BBX: variants seen among roughly 807,000 people sequenced by gnomAD.
BBX encodes the protein HMG box transcription factor BBX.
BBX carries 30 observed loss-of-function variants against 100.2 expected under a neutral mutation model. The ratio of observed to expected loss-of-function variants is 0.30; its 90% CI spans 0.22 to 0.41. The LOEUF (loss-of-function observed/expected upper bound fraction) is 0.41. Among genes scored for constraint, BBX ranks in the 10% least tolerant of loss-of-function variants. The pLI, the probability that BBX is intolerant of heterozygous loss-of-function variation, is 1.00. For synonymous variants in BBX, 376 were observed against 388.1 expected (o/e 0.97, Z 0.37); for missense variants, 1,023 against 1,129.8 (o/e 0.91, Z 1.35).
chr3:107,706,596 A>G (rs756966874), intron 3 of BBX, among the ~76,000 whole-genome samples: 3 of 152,208 alleles, frequency 2.0e-5, no homozygotes, highest in African/African-American at 4.8e-5. Flanking sequence ...CCTGATTTCA[A>G]TTATTCTAAA....
At chr3:107,566,768 T>C (rs2050949178) in intron 2 of BBX, among the ~76,000 whole-genome samples, 1 of 152,070 alleles carries the variant, frequency 6.6e-6, no homozygotes, top group African/African-American at 2.4e-5. Flanking sequence ...TTTGTGTCTC[T>C]AGTTTTTGTT....
intron 2 of BBX, among the ~76,000 whole-genome samples, chr3:107,590,900 C>G (rs1235612323): frequency 6.6e-6 from 1 of 152,206 alleles, no homozygotes; most frequent in Non-Finnish European, 1.5e-5. Flanking sequence ...AGTTGGGGTT[C>G]CACTCAACAG....
chr3:107,731,932 C>T (rs535261929), intron 6 of BBX, among the ~76,000 whole-genome samples: 3 of 152,060 alleles, frequency 2.0e-5, no homozygotes, highest in Non-Finnish European at 2.9e-5. Flanking sequence ...GGAGAGATGC[C>T]GAGTTAGGCA....
rs867687221 is a variant in BBX at position 107,785,179 on chromosome 3, G to A, written c.2204-4608G>A. 5.0e-3 allele frequency among the ~76,000 whole-genome samples: 649 copies of A among 128,606 alleles called. 3 individuals carry two copies. The highest frequency in any genetic ancestry group is 0.013 in the African/African-American group (453 of 35,474). 84.4% of individuals were successfully genotyped at this position (128,606 alleles called of 152,430 possible). A position where few individuals can be genotyped will look rare whatever the true frequency, so the allele number is the denominator to read the frequency against. ...CTAGTAATTTTTAAAGTATCTGGGG[G>A]AAAAAAAAAAAAAAGCCCAGGCCCA... On this transcript the variant is annotated intron_variant, in intron 13 of 17. Transcript: ENST00000325805.
intron 8 of BBX, among the ~76,000 whole-genome samples, 183 bp from the exon 9 acceptor site, chr3:107,747,782 C>A (rs540719385): frequency 2.8e-4 from 42 of 151,870 alleles, no homozygotes; most frequent in African/African-American, 9.9e-4. Flanking sequence ...TTATAATCAT[C>A]TGTTTTTAGA....
chr3:107,659,213 C>G (rs1189455122), intron 3 of BBX, among the ~76,000 whole-genome samples: 1 of 151,936 alleles, frequency 6.6e-6, no homozygotes, highest in Non-Finnish European at 1.5e-5. Context: ...CACATACTCT[C>G]CACCTAGATT....
intron 3 of BBX, among the ~76,000 whole-genome samples, chr3:107,671,396 G>A (rs1433525222): frequency 6.6e-6 from 1 of 151,882 alleles, no homozygotes. Flanking sequence ...ACTATTAAGA[G>A]AACTTAACTG....
intron 2 of BBX, among the ~76,000 whole-genome samples, chr3:107,622,679 C>A (rs534855958): frequency 6.6e-6 from 1 of 152,186 alleles, no homozygotes; most frequent in East Asian, 1.9e-4. Flanking sequence ...GCTTGAGTGT[C>A]TTTTTTCTGT....
rs779113746 is a variant in BBX, at chr3:107,773,464, A to G, written c.1743A>G (p.Glu581=). The change falls in exon 11 of 18, where the codon GAA becomes GAG. Residue 581 remains glutamate, a synonymous_variant. Coordinates refer to ENST00000325805, the MANE Select transcript of BBX (RefSeq NM_001142568.3). The surrounding 1 kb of genome is among the most constrained non-coding windows in gnomAD (Gnocchi z 4.1). ...GIKAEPLTPM[E]DALPPSLSGQ... The stretch of plus-strand genomic sequence containing the variant: ...AAGCAGAACCATTGACCCCTATGGA[A>G]GATGCACTACCACCCAGCCTATCAG... 5 of 1,614,006 alleles carry G rather than the reference A, an allele frequency of 3.1e-6. No individual in the cohort carries two copies. The African/African-American group carries it at 6.7e-5, about 22-fold the overall frequency.
At chr3:107,746,808 C>A (rs1172451554) in intron 8 of BBX, among the ~76,000 whole-genome samples, 1 of 151,990 alleles carries the variant, frequency 6.6e-6, no homozygotes, top group African/African-American at 2.4e-5. Flanking sequence ...ACTACGTGGC[C>A]CTGTTGTTTT....
At chr3:107,542,605 A>G (rs531836392) in intron 2 of BBX, among the ~76,000 whole-genome samples, 36 of 152,238 alleles carry the variant, frequency 2.4e-4, no homozygotes, top group Admixed American at 5.2e-4. Flanking sequence ...GATGTAAACC[A>G]TGAATTTAGT....
intron 10 of BBX, among the ~76,000 whole-genome samples, chr3:107,770,419 T>C (rs1035624920): frequency 6.6e-6 from 1 of 152,054 alleles, no homozygotes; most frequent in Non-Finnish European, 1.5e-5. Context: ...GTATAATTTC[T>C]CTCCCCCCAC....
chr3:107,617,956 C>G (rs1329949333), intron 2 of BBX, among the ~76,000 whole-genome samples: 1 of 151,726 alleles, frequency 6.6e-6, no homozygotes, highest in Non-Finnish European at 1.5e-5. Context: ...CTTCTTGTTC[C>G]TGATTTTAGG....
chr3:107,788,393 C>T (rs1054407966), intron 13 of BBX, among the ~76,000 whole-genome samples: 2 of 152,036 alleles, frequency 1.3e-5, no homozygotes, highest in African/African-American at 4.8e-5. Context: ...GCAATAAGGA[C>T]CCACAATTGG....
At chr3:107,638,944 G>C (rs1156545389) in intron 2 of BBX, among the ~76,000 whole-genome samples, 1 of 151,938 alleles carries the variant, frequency 6.6e-6, no homozygotes, top group South Asian at 2.1e-4. Context: ...AGCCAAGATT[G>C]CACCACTGCA....
intron 3 of BBX, among the ~76,000 whole-genome samples, chr3:107,672,571 T>A (rs2059075358): frequency 6.6e-6 from 1 of 151,948 alleles, no homozygotes; most frequent in Non-Finnish European, 1.5e-5. Context: ...GAAGCTGAAG[T>A]AGGGAATGGT....
At chr3:107,585,835 C>T (rs973135891) in intron 2 of BBX, among the ~76,000 whole-genome samples, 4 of 151,822 alleles carry the variant, frequency 2.6e-5, no homozygotes, top group Admixed American at 6.6e-5. Flanking sequence ...ACACAGTAGG[C>T]GGATGTAAGA....
chr3:107,603,209 C>T (rs908034233), intron 2 of BBX, among the ~76,000 whole-genome samples: 2 of 152,060 alleles, frequency 1.3e-5, no homozygotes, highest in African/African-American at 4.8e-5. Flanking sequence ...TGTGATCCAC[C>T]TGCCTCGGCC....
intron 2 of BBX, among the ~76,000 whole-genome samples, chr3:107,621,694 A>G (rs1341084148): frequency 1.3e-5 from 2 of 151,986 alleles, no homozygotes; most frequent in Non-Finnish European, 2.9e-5. Flanking sequence ...TCCATGTGCT[A>G]TTTTGGTCTT....
Sources: gnomAD v4.1 joint callset for allele counts (sites outside exome capture counted in the v4.1 genomes callset) on GRCh38, gnomAD v4.1.1 for gene constraint, Gnocchi (gnomAD v3.1) non-coding constraint, MANE v1.5 for transcripts, NCBI Gene and HGNC (gene_info 2026-07-23, HGNC 2026-07-21) for gene names.